CNTN3: variants seen among roughly 807,000 people sequenced by gnomAD.
The protein encoded by CNTN3 is contactin 3.
CNTN3 carries 60 observed loss-of-function variants against 119.1 expected under a neutral mutation model. The observed-to-expected ratio is 0.50, with a 90% CI of 0.41 to 0.62. The LOEUF (loss-of-function observed/expected upper bound fraction) is 0.62. Among genes scored for constraint, CNTN3 ranks in the 20% least tolerant of loss-of-function variants. CNTN3 has a pLI of 0.00. For missense variants in CNTN3, 1,101 were observed against 1,242.4 expected (o/e 0.89, Z 1.71); for synonymous variants, 450 against 438.7 (o/e 1.03, Z -0.32).
chr3:74,314,189 T>C (rs1248443120), intron 13 of CNTN3, among the ~76,000 whole-genome samples: 1 of 151,638 alleles, frequency 6.6e-6, no homozygotes, highest in African/African-American at 2.4e-5. Context: ...AAAAAAGCAA[T>C]CATATAAAAT....
intron 1 of CNTN3, among the ~76,000 whole-genome samples, chr3:74,527,469 G>T (rs765109421): frequency 6.6e-6 from 1 of 151,824 alleles, no homozygotes; most frequent in Non-Finnish European, 1.5e-5. Flanking sequence ...TGGTTTCAGA[G>T]CTTCTTTCAA....
At chr3:74,527,839 G>C (rs1703641336) in intron 1 of CNTN3, among the ~76,000 whole-genome samples, 1 of 151,944 alleles carries the variant, frequency 6.6e-6, no homozygotes, top group Non-Finnish European at 1.5e-5. Flanking sequence ...TTCAAGACAA[G>C]CTTTTTGTTT....
At chr3:74,543,174 CA>C (rs1703865679) in intron 1 of CNTN3, among the ~76,000 whole-genome samples, 1 of 151,982 alleles carries the variant, frequency 6.6e-6, no homozygotes, top group African/African-American at 2.4e-5. Flanking sequence ...AAGGATTCAA[CA>C]GGCAGAAAGT....
chr3:74,453,757 C>T (rs1457917842), intron 4 of CNTN3, among the ~76,000 whole-genome samples: 52 of 151,306 alleles, frequency 3.4e-4, no homozygotes, highest in Non-Finnish European at 6.0e-4. Context: ...TTATTTCTGC[C>T]TTCATTTCGT....
At position 74,541,251 on chromosome 3, in the gene CNTN3, T is replaced by C. The variant is rs117810921; in HGVS notation, c.-80-20059A>G. 2.2e-4 allele frequency among the ~76,000 whole-genome samples: 34 copies of C among 152,244 alleles called. 1 individual carries two copies. In the East Asian group the frequency reaches 5.8e-3, roughly 26 times the overall value. On this transcript the variant is annotated intron_variant, in intron 1 of 22. Coordinates refer to ENST00000263665, the MANE Select transcript of CNTN3 (RefSeq NM_020872.3). ...TAGCAGTTACTCTCCTTGACACCCA[T>C]ATGAGAGAAACTCTTGCCCTTTTAC...
intron 4 of CNTN3, among the ~76,000 whole-genome samples, chr3:74,449,753 GCA>G: frequency 6.6e-6 from 1 of 152,012 alleles, no homozygotes; most frequent in East Asian, 1.9e-4. Flanking sequence ...AAGCCACTTG[GCA>G]TTAATTGGTT....
At chr3:74,583,678 A>G (rs1559667447) in intron 1 of CNTN3, among the ~76,000 whole-genome samples, 1 of 152,178 alleles carries the variant, frequency 6.6e-6, no homozygotes, top group Non-Finnish European at 1.5e-5. Context: ...TCAACTGACA[A>G]AATGCATCAA....
chr3:74,507,409 C>A (rs1703281540), intron 2 of CNTN3, among the ~76,000 whole-genome samples: 1 of 116,706 alleles, frequency 8.6e-6, no homozygotes, highest in South Asian at 3.5e-4. Flanking sequence ...CAGAGTGAGA[C>A]CCCATCTCTA....
intron 1 of CNTN3, among the ~76,000 whole-genome samples, chr3:74,537,123 AT>A (rs1245734436): frequency 1.3e-5 from 2 of 152,226 alleles, no homozygotes; most frequent in East Asian, 3.9e-4. Flanking sequence ...AATAGATAAC[AT>A]TAATAACAAC....
At chr3:74,397,855 G>A (rs1434038028) in intron 5 of CNTN3, among the ~76,000 whole-genome samples, 1 of 152,134 alleles carries the variant, frequency 6.6e-6, no homozygotes. Flanking sequence ...TAACTTTCAT[G>A]TATGACTTTG....
At position 74,265,307 on chromosome 3, in the gene CNTN3, TCTGTCC is replaced by T. The variant is rs576392187; in HGVS notation, c.2987-812_2987-807del. On this transcript the variant is annotated intron_variant, in intron 22 of 22. Transcript: ENST00000263665. ...GCAGCCCTAAAATGCTAAAATAACA[TCTGTCC>T]CTGCAAAAGCCTAGAACATATTTCT... Among the ~76,000 whole-genome samples, 39 of 152,280 alleles carry T rather than the reference TCTGTCC, an allele frequency of 2.6e-4. 1 individual carries two copies. In the South Asian group the frequency reaches 7.9e-3, roughly 31 times the overall value.
At chr3:74,604,379 C>A (rs1704959993) in intron 1 of CNTN3, among the ~76,000 whole-genome samples, 1 of 152,026 alleles carries the variant, frequency 6.6e-6, no homozygotes, top group African/African-American at 2.4e-5. Flanking sequence ...AGAGACAATC[C>A]ATGGACTAGA....
intron 16 of CNTN3, among the ~76,000 whole-genome samples, chr3:74,300,578 A>G (rs2106815747): frequency 6.6e-6 from 1 of 152,286 alleles, no homozygotes; most frequent in African/African-American, 2.4e-5. Context: ...TGACCAGAAC[A>G]CCAGGGCAAG....
intron 4 of CNTN3, among the ~76,000 whole-genome samples, chr3:74,447,733 A>G (rs1160776355): frequency 6.6e-6 from 1 of 152,178 alleles, no homozygotes; most frequent in Admixed American, 6.6e-5. Context: ...ATGACATAAT[A>G]TGCAGATGTT....
chr3:74,585,197 G>A (rs1198649591), intron 1 of CNTN3, among the ~76,000 whole-genome samples: 1 of 152,024 alleles, frequency 6.6e-6, no homozygotes, highest in Non-Finnish European at 1.5e-5. Context: ...GATTCTGATG[G>A]GTTAGTATCC....
chr3:74,415,544 T>C (rs768312391), intron 5 of CNTN3, among the ~76,000 whole-genome samples: 3 of 152,188 alleles, frequency 2.0e-5, no homozygotes, highest in Admixed American at 1.3e-4. Flanking sequence ...ACTACATACA[T>C]ACACACATAT....
intron 5 of CNTN3, among the ~76,000 whole-genome samples, chr3:74,391,557 C>CTTTTTTTTTT (rs554976641): frequency 1.1e-5 from 1 of 87,030 alleles, no homozygotes; most frequent in African/African-American, 4.7e-5. Flanking sequence ...CCCATAGTTT[C>CTTTTTTTTTT]TTTTTTTTTT....
At chr3:74,533,347 C>T (rs4676974) in intron 1 of CNTN3, among the ~76,000 whole-genome samples, 151,085 of 152,086 alleles carry the variant, frequency 0.99, 75,052 homozygotes, top group Middle Eastern at 1. Flanking sequence ...AGCACTCAGA[C>T]ACATTTAGGA....
At chr3:74,414,492 C>T (rs1403346646) in intron 5 of CNTN3, among the ~76,000 whole-genome samples, 1 of 152,094 alleles carries the variant, frequency 6.6e-6, no homozygotes, top group Non-Finnish European at 1.5e-5. Flanking sequence ...CAAAGTATGG[C>T]TTAAAAACCA....
Sources: gnomAD v4.1 joint callset for allele counts (sites outside exome capture counted in the v4.1 genomes callset) on GRCh38, gnomAD v4.1.1 for gene constraint, MANE v1.5 for transcripts, NCBI Gene and HGNC (gene_info 2026-07-23, HGNC 2026-07-21) for gene names.